Variants in IL15RA observed in about 807,000 individuals in gnomAD.
The protein encoded by IL15RA is interleukin-15 receptor subunit alpha.
In IL15RA, 26 loss-of-function variants were observed where a neutral mutation model predicts 24.2. The ratio of observed to expected loss-of-function variants is 1.07; its 90% CI spans 0.79 to 1.49. The LOEUF (loss-of-function observed/expected upper bound fraction) is 1.49. Ranked by LOEUF, IL15RA falls within the 40% of genes most tolerant of loss-of-function variation. The pLI is 0.00. For missense variants in IL15RA, 354 were observed against 356.4 expected (o/e 0.99, Z 0.05); for synonymous variants, 166 against 157.6 (o/e 1.05, Z -0.40).
chr10:5,956,409 A>ATGC lies in IL15RA; in HGVS notation c.661_662insGCA (p.Val221delinsGlyMet). On this transcript the variant is annotated protein_altering_variant, in exon 6 of 7. Coordinates refer to ENST00000379977, the MANE Select transcript of IL15RA (RefSeq NM_002189.4). ...CTTGAGGTAGCATGCCAGGAGAGACACAGCGCTCAGCCCACACAGCAGGAC... is the reference window on the plus strand; with the variant it reads ...CTTGAGGTAGCATGCCAGGAGAGACATGCCAGCGCTCAGCCCACACAGCAGGAC... 6.2e-7 allele frequency: 1 copy of ATGC among 1,614,090 alleles called. No individual in the cohort carries two copies. The highest frequency in any genetic ancestry group is 2.2e-5 in the East Asian group (1 of 44,876).
At chr10:5,977,383 G>T (rs1175287755) in intron 1 of IL15RA, 22 bp downstream of exon 1, 1 of 1,171,638 alleles carries the variant, frequency 8.5e-7, no homozygotes, top group Non-Finnish European at 1.1e-6. Context: ...CCGCCCGGGC[G>T]CCCCTGCTCC....
At chr10:5,969,353 TTTAAATTAAA>T (rs35071460) in intron 1 of IL15RA, among the ~76,000 whole-genome samples, 1,541 of 147,674 alleles carry the variant, frequency 0.01, 24 homozygotes, top group Admixed American at 0.034. Flanking sequence ...AATTAAATTT[TTTAAATTAAA>T]TTAAATTAAA....
Position 5,958,196 on chromosome 10 carries a change from G to T in IL15RA, c.616+1558C>A, listed in dbSNP as rs1039714931. 5 of 374,262 alleles carry T rather than the reference G, an allele frequency of 1.3e-5. No homozygotes were observed. Among genetic ancestry groups the T allele is most frequent in the African/African-American group, 1.1e-4 (5 of 47,458 alleles). 23.2% of individuals were successfully genotyped at this position (374,262 alleles called of 1,614,324 possible). On this transcript the variant is annotated intron_variant, in intron 5 of 6. Coordinates refer to ENST00000379977, the MANE Select transcript of IL15RA (RefSeq NM_002189.4). The surrounding 1 kb of genome is among the most constrained non-coding windows in gnomAD (Gnocchi z 4.3). ...GAGATGGTTTTTGTGTCCTGATATG[G>T]GAGGATCTACAAGGTATACCAGCAA...
In IL15RA at chr10:5,962,366, C is replaced by A. The variant is rs1159261610; in HGVS notation, c.382+1377G>T. Among the ~76,000 whole-genome samples the A allele has an allele frequency of 6.6e-6, 1 of 152,168 alleles. No individual in the cohort carries two copies. The highest frequency in any genetic ancestry group is 3.4e-3 in the Middle Eastern group (1 of 294). On this transcript the variant is annotated intron_variant, in intron 3 of 6. Coordinates refer to ENST00000379977, the MANE Select transcript of IL15RA (RefSeq NM_002189.4). This position sits in a 1 kb window ranked among gnomAD's most constrained non-coding sequence, Gnocchi z 5.2. ...CAGCACTTTGGGAGACTAAGGCTTG[C>A]GGATCACCTGAGGTCAGGAGTTTGA... is the stretch of plus-strand genomic sequence containing the variant.
Position 5,970,850 on chromosome 10 carries a change from TC to T in IL15RA, c.89-4512del, listed in dbSNP as rs549418408. Among the ~76,000 whole-genome samples the T allele has an allele frequency of 1.1e-4, 16 of 152,012 alleles. No individual in the cohort carries two copies. The highest frequency in any genetic ancestry group is 3.9e-4 in the African/African-American group (16 of 41,460). Reference sequence around the variant, plus strand: ...ATTATGCCCCGCTGCAGCCTCAAACTCCTGGCCTTAAGCAATCCTCCTGCCT... The same window carrying T: ...ATTATGCCCCGCTGCAGCCTCAAACTCTGGCCTTAAGCAATCCTCCTGCCT... On this transcript the variant is annotated intron_variant, in intron 1 of 6. Coordinates refer to ENST00000379977, the MANE Select transcript of IL15RA (RefSeq NM_002189.4). The surrounding 1 kb of genome is among the most constrained non-coding windows in gnomAD (Gnocchi z 4.1).
intron 1 of IL15RA, among the ~76,000 whole-genome samples, chr10:5,972,988 C>A (rs779005954): frequency 6.6e-6 from 1 of 152,036 alleles, no homozygotes; most frequent in Non-Finnish European, 1.5e-5. Context: ...TGAAAACAAC[C>A]CCAAGTGCAC....
At chr10:5,977,049 A>G in intron 1 of IL15RA, 1 of 206,014 alleles carries the variant, frequency 4.9e-6, no homozygotes, top group Non-Finnish European at 9.7e-6. Context: ...GGAGAAGCGC[A>G]CTCGCCCGTG....
chr10:5,960,269 G>T lies in IL15RA; in HGVS notation c.583+98C>A. 1 of 1,128,284 alleles carries T rather than the reference G, an allele frequency of 8.9e-7. No homozygotes were observed. The highest frequency in any genetic ancestry group is 1.3e-6 in the Non-Finnish European group (1 of 752,470). 69.9% of individuals were successfully genotyped at this position (1,128,284 alleles called of 1,614,324 possible). Reference sequence around the variant, plus strand: ...AGGCTGCCCAGTGAATCCTGACTTTGGATTGATGGTATAAAGCTGCCTTGT... The same window carrying T: ...AGGCTGCCCAGTGAATCCTGACTTTTGATTGATGGTATAAAGCTGCCTTGT... On this transcript the variant is annotated intron_variant, in intron 4 of 6. Coordinates refer to ENST00000379977, the MANE Select transcript of IL15RA (RefSeq NM_002189.4). This position sits in a 1 kb window ranked among gnomAD's most constrained non-coding sequence, Gnocchi z 5.1.
rs541659696 is a variant in IL15RA, at chr10:5,963,925, A to T, written c.284-84T>A. On this transcript the variant is annotated intron_variant, in intron 2 of 6. Transcript: ENST00000379977. The surrounding 1 kb of genome is among the most constrained non-coding windows in gnomAD (Gnocchi z 5.3). ...TCAGAACGGGATACAAATAAAATAT[A>T]TCAACACATGAACTTACAGTGGAGG... 3.7e-6 allele frequency: 3 copies of T among 808,550 alleles called. No individual in the cohort carries two copies. In the East Asian group the frequency reaches 9.4e-5, roughly 25 times the overall value. The allele number at this position is 808,550 out of a possible 1,614,324, so 50.1% of individuals were successfully genotyped here. A position where few individuals can be genotyped will look rare whatever the true frequency, so the allele number is the denominator to read the frequency against.
rs1836512469 is a variant in IL15RA, at chr10:5,966,244, C to CA, written c.183dup (p.Gly62TrpfsTer5). On this transcript the variant is annotated frameshift_variant, in exon 2 of 7. Transcript: ENST00000379977. LOFTEE classifies it high-confidence loss of function. The surrounding 1 kb of genome is among the most constrained non-coding windows in gnomAD (Gnocchi z 6.4). ...GACGTGCCGGCTTTACGCTTGAAAC[C>CA]AGAGTTACAAATGTACCGCTCCCTG... The CA allele has an allele frequency of 6.2e-7, 1 of 1,614,144 alleles. No individual in the cohort carries two copies. Among genetic ancestry groups the CA allele is most frequent in the Non-Finnish European group, 8.5e-7 (1 of 1,179,978 alleles).
chr10:5,975,922 A>T lies in IL15RA; in HGVS notation c.88+1483T>A, dbSNP rs1419568613. On this transcript the variant is annotated intron_variant, in intron 1 of 6. Transcript: ENST00000379977. This position sits in a 1 kb window ranked among gnomAD's most constrained non-coding sequence, Gnocchi z 4.8. ...AAGAAAACAAGAAAGAAAGAAAAAG[A>T]AAAAGAAAAAACATTGAGAGCTTTG... 6.6e-6 allele frequency among the ~76,000 whole-genome samples: 1 copy of T among 152,114 alleles called. No homozygotes were observed. Among genetic ancestry groups the T allele is most frequent in the East Asian group, 1.9e-4 (1 of 5,188 alleles).
chr10:5,961,455 C>T lies in IL15RA; in HGVS notation c.383-888G>A, dbSNP rs534128086. Among the ~76,000 whole-genome samples, 2 of 152,212 alleles carry T rather than the reference C, an allele frequency of 1.3e-5. No individual in the cohort carries two copies. The highest frequency in any genetic ancestry group is 4.1e-4 in the South Asian group (2 of 4,822). The stretch of plus-strand genomic sequence containing the variant: ...AAGAAAAGGTGTCAAAGATCTGAGT[C>T]GTTCAGCTTGTTTACTAGAGAAGGC... On this transcript the variant is annotated intron_variant, in intron 3 of 6. Coordinates refer to ENST00000379977, the MANE Select transcript of IL15RA (RefSeq NM_002189.4). The surrounding 1 kb of genome is among the most constrained non-coding windows in gnomAD (Gnocchi z 5.2).
Position 5,967,596 on chromosome 10 carries a change from G to A in IL15RA, c.89-1257C>T, listed in dbSNP as rs1197297826. 6.6e-6 allele frequency among the ~76,000 whole-genome samples: 1 copy of A among 152,184 alleles called. No homozygotes were observed. The highest frequency in any genetic ancestry group is 1.5e-5 in the Non-Finnish European group (1 of 68,042). On this transcript the variant is annotated intron_variant, in intron 1 of 6. Transcript: ENST00000379977. The surrounding 1 kb of genome is among the most constrained non-coding windows in gnomAD (Gnocchi z 4.4). ...CTGCTGTTGCTTTCAGCTCTGGTTG[G>A]TCATTCATACATTTTGGAATGCTTT... is the stretch of plus-strand genomic sequence containing the variant.
At position 5,958,959 on chromosome 10, in the gene IL15RA, T is replaced by C. The variant is rs1001877004; in HGVS notation, c.616+795A>G. On this transcript the variant is annotated intron_variant, in intron 5 of 6. Coordinates refer to ENST00000379977, the MANE Select transcript of IL15RA (RefSeq NM_002189.4). This position sits in a 1 kb window ranked among gnomAD's most constrained non-coding sequence, Gnocchi z 4.3. The stretch of plus-strand genomic sequence containing the variant: ...TCTTCCTCCCTGCCTGCTTCCCTTC[T>C]TCCTCCTGTTCTCCCCTCCTCTCTC... 2.0e-5 allele frequency among the ~76,000 whole-genome samples: 3 copies of C among 152,134 alleles called. No individual in the cohort carries two copies. The highest frequency in any genetic ancestry group is 4.8e-5 in the African/African-American group (2 of 41,430).
chr10:5,956,508 A>G, intron 5 of IL15RA, 54 bp from the exon 6 acceptor site: 1 of 1,341,410 alleles, frequency 7.5e-7, no homozygotes, highest in Non-Finnish European at 1.1e-6. Context: ...ATTGCTACGA[A>G]CCACAAATTC....
At chr10:5,969,545 ATTTTT>A (rs552505542) in intron 1 of IL15RA, among the ~76,000 whole-genome samples, 117 of 151,906 alleles carry the variant, frequency 7.7e-4, no homozygotes, top group African/African-American at 2.8e-3. Flanking sequence ...GCTAGTTATT[ATTTTT>A]TTAATTTGTA....
Position 5,953,962 on chromosome 10 carries a change from C to A in IL15RA, c.693-756G>T, listed in dbSNP as rs1834150020. ...TCCGGAGGAGCAGCAGCTCTTTAGG[C>A]CATTTTAAGGTAAGCAGTGTGAGCT... is the stretch of plus-strand genomic sequence containing the variant. On this transcript the variant is annotated intron_variant, in intron 6 of 6. Transcript: ENST00000379977. This position sits in a 1 kb window ranked among gnomAD's most constrained non-coding sequence, Gnocchi z 5.3. The A allele has an allele frequency of 6.5e-6, 1 of 152,888 alleles. No individual in the cohort carries two copies. Among genetic ancestry groups the A allele is most frequent in the African/African-American group, 2.4e-5 (1 of 41,412 alleles). The allele number at this position is 152,888 out of a possible 1,614,324, so 9.5% of individuals were successfully genotyped here. A position where few individuals can be genotyped will look rare whatever the true frequency, so the allele number is the denominator to read the frequency against.
chr10:5,958,353 T>C lies in IL15RA; in HGVS notation c.616+1401A>G. ...CTGGTAGCAAGTGTTGCTTCCTTCC[T>C]GCAAGGGGATTTTTGAGTTAGAAAT... On this transcript the variant is annotated intron_variant, in intron 5 of 6. Transcript: ENST00000379977. The surrounding 1 kb of genome is among the most constrained non-coding windows in gnomAD (Gnocchi z 4.3). 2.2e-6 allele frequency: 1 copy of C among 447,334 alleles called. No individual in the cohort carries two copies. The highest frequency in any genetic ancestry group is 4.5e-6 in the Non-Finnish European group (1 of 223,192). 27.7% of individuals were successfully genotyped at this position (447,334 alleles called of 1,614,324 possible).
At chr10:5,974,885 TAAATTAAAAATAAATAA>T (rs1223289395) in intron 1 of IL15RA, among the ~76,000 whole-genome samples, 2 of 151,248 alleles carry the variant, frequency 1.3e-5, no homozygotes, top group Admixed American at 6.6e-5. Flanking sequence ...TCAAAATAAG[TAAATTAAAAATAAATAA>T]AAATTAAAAA....
Sources: gnomAD v4.1 joint callset for allele counts (sites outside exome capture counted in the v4.1 genomes callset) on GRCh38, gnomAD v4.1.1 for gene constraint, Gnocchi (gnomAD v3.1) non-coding constraint, MANE v1.5 for transcripts, NCBI Gene and HGNC (gene_info 2026-07-23, HGNC 2026-07-21) for gene names.